The following PRIMA1 variants were observed in gnomAD, a reference collection of about 807,000 sequenced individuals.
The protein encoded by PRIMA1 is proline-rich membrane anchor 1.
A neutral mutation model predicts 17.5 loss-of-function variants in PRIMA1; 7 were observed. The observed-to-expected ratio is 0.40, with a 90% CI of 0.23 to 0.75. The LOEUF is 0.75. Among genes scored for constraint, PRIMA1 ranks in the 30% least tolerant of loss-of-function variants. The pLI is 0.37. For synonymous variants in PRIMA1, 97 were observed against 77.9 expected, an observed-to-expected ratio of 1.25 and a Z score of -1.29; for missense variants, 200 against 201.8, an observed-to-expected ratio of 0.99 and a Z score of 0.05.
chr14:93,733,795 G>A (rs183608916), intron 4 of PRIMA1, among the ~76,000 whole-genome samples: 2 of 152,302 alleles, frequency 1.3e-5, no homozygotes, highest in East Asian at 3.9e-4. Flanking sequence ...AAAACAATTG[G>A]CCGTGAGCAA....
chr14:93,733,997 C>T (rs2076132589), intron 4 of PRIMA1, among the ~76,000 whole-genome samples: 1 of 152,212 alleles, frequency 6.6e-6, no homozygotes, highest in African/African-American at 2.4e-5. Context: ...CCCCAGCCTC[C>T]TTCTAGGTGG....
intron 4 of PRIMA1, among the ~76,000 whole-genome samples, chr14:93,723,454 C>T (rs2141149185): frequency 6.6e-6 from 1 of 152,266 alleles, no homozygotes; most frequent in South Asian, 2.1e-4. Flanking sequence ...GTGAGGGGAT[C>T]ATTAGCAGTT....
chr14:93,742,382 G>A (rs1303495725), intron 3 of PRIMA1, among the ~76,000 whole-genome samples: 1 of 152,192 alleles, frequency 6.6e-6, no homozygotes, highest in East Asian at 1.9e-4. Flanking sequence ...CTCTCCCCAG[G>A]GGAACTCTGA....
Position 93,744,854 on chromosome 14 carries a change from G to A in PRIMA1, c.230-7484C>T, listed in dbSNP as rs146465268. 2.5e-3 allele frequency among the ~76,000 whole-genome samples: 385 copies of A among 152,280 alleles called. 1 individual carries two copies. The highest frequency in any genetic ancestry group is 8.6e-3 in the African/African-American group (359 of 41,566). The stretch of plus-strand genomic sequence containing the variant: ...CTGGCCCATGCTTGACAGAAAGCCA[G>A]GGAGGTGCATTTAGCCTCCCTGGGG... On this transcript the variant is annotated intron_variant, in intron 3 of 4. Coordinates refer to ENST00000393140, the MANE Select transcript of PRIMA1 (RefSeq NM_178013.4).
intron 3 of PRIMA1, among the ~76,000 whole-genome samples, chr14:93,764,584 C>T (rs768085590): frequency 7.9e-5 from 12 of 152,128 alleles, no homozygotes; most frequent in Non-Finnish European, 1.2e-4. Flanking sequence ...TTGGCACACT[C>T]GGTGCTCTAT....
chr14:93,780,060 C>T (rs759271920), intron 2 of PRIMA1, among the ~76,000 whole-genome samples: 3 of 152,256 alleles, frequency 2.0e-5, no homozygotes, highest in African/African-American at 7.2e-5. Flanking sequence ...GGCCCCACCT[C>T]GTCCCATGCT....
In PRIMA1 at chr14:93,787,710, G is replaced by A; in HGVS notation, c.9C>T (p.Leu3=). Reference sequence around the variant, plus strand: ...AGCCACGGCGCAGCACCAAGTCCCGGAGGAGCATCTCGGCCAGCGGCGCCC... The same window carrying A: ...AGCCACGGCGCAGCACCAAGTCCCGAAGGAGCATCTCGGCCAGCGGCGCCC... ML[L]RDLVLRRGCC... Residue 3 remains leucine, a synonymous_variant, in exon 2 of 5, where the codon CTC becomes CTT. Coordinates refer to ENST00000393140, the MANE Select transcript of PRIMA1 (RefSeq NM_178013.4). 1.9e-6 allele frequency: 3 copies of A among 1,543,912 alleles called. No homozygotes were observed. The highest frequency in any genetic ancestry group is 2.6e-6 in the Non-Finnish European group (3 of 1,146,628).
chr14:93,767,384 G>T (rs7142304), intron 3 of PRIMA1, among the ~76,000 whole-genome samples: 3,179 of 152,266 alleles, frequency 0.021, 113 homozygotes, highest in African/African-American at 0.07. Context: ...TCTCACTGTG[G>T]ACCCTGCTGC....
chr14:93,752,947 C>T (rs1241270504), intron 3 of PRIMA1, among the ~76,000 whole-genome samples: 1 of 152,196 alleles, frequency 6.6e-6, no homozygotes, highest in Non-Finnish European at 1.5e-5. Flanking sequence ...TGGGGCTGTC[C>T]TGTGCACCAT....
At chr14:93,744,117 G>A (rs2141166234) in intron 3 of PRIMA1, among the ~76,000 whole-genome samples, 1 of 152,354 alleles carries the variant, frequency 6.6e-6, no homozygotes, top group East Asian at 1.9e-4. Context: ...CCTGCCCGAG[G>A]CCACACAGGG....
chr14:93,772,478 T>C (rs961088985), intron 3 of PRIMA1, among the ~76,000 whole-genome samples: 1 of 152,266 alleles, frequency 6.6e-6, no homozygotes, highest in Non-Finnish European at 1.5e-5. Flanking sequence ...GGTACACATC[T>C]CCTTCCATGG....
At chr14:93,763,667 C>T (rs996212650) in intron 3 of PRIMA1, among the ~76,000 whole-genome samples, 17 of 152,126 alleles carry the variant, frequency 1.1e-4, no homozygotes, top group African/African-American at 4.1e-4. Flanking sequence ...GGATGCGTGC[C>T]CCGTCTGCTA....
intron 4 of PRIMA1, among the ~76,000 whole-genome samples, chr14:93,729,993 T>C (rs559820454): frequency 2.0e-5 from 3 of 152,206 alleles, no homozygotes; most frequent in East Asian, 3.9e-4. Flanking sequence ...GTGCATGTTA[T>C]TTACACCAAA....
intron 3 of PRIMA1, among the ~76,000 whole-genome samples, chr14:93,746,505 A>C (rs2076219203): frequency 6.6e-6 from 1 of 151,946 alleles, no homozygotes; most frequent in African/African-American, 2.4e-5. Flanking sequence ...AGCAGGAAGG[A>C]GGCCAGTGTG....
chr14:93,756,897 C>T (rs950705240), intron 3 of PRIMA1, among the ~76,000 whole-genome samples: 1 of 152,166 alleles, frequency 6.6e-6, no homozygotes, highest in Non-Finnish European at 1.5e-5. Flanking sequence ...TCCACAGCAG[C>T]CTCTGGGCCA....
intron 3 of PRIMA1, among the ~76,000 whole-genome samples, chr14:93,747,712 G>A (rs1444173776): frequency 6.6e-6 from 1 of 151,600 alleles, no homozygotes; most frequent in Non-Finnish European, 1.5e-5. Context: ...GTGTGTGAGT[G>A]TATGAGTGTG....
Position 93,766,958 on chromosome 14 carries a change from C to T in PRIMA1, c.229+12218G>A, listed in dbSNP as rs150321454. On this transcript the variant is annotated intron_variant, in intron 3 of 4. Transcript: ENST00000393140. ...CAGTGCATGAGACACAGCGAAAGGA[C>T]TGAATGAAGGAATGAACAAATGAAC... Among the ~76,000 whole-genome samples, 246 of 152,294 alleles carry T rather than the reference C, an allele frequency of 1.6e-3. 1 individual carries two copies. The highest frequency in any genetic ancestry group is 5.7e-3 in the African/African-American group (237 of 41,566).
intron 3 of PRIMA1, among the ~76,000 whole-genome samples, 189 bp from the exon 4 acceptor site, chr14:93,737,559 A>T (rs546537854): frequency 2.1e-5 from 3 of 140,300 alleles, no homozygotes; most frequent in East Asian, 2.1e-4. Context: ...CAACAGAGGC[A>T]TGGGGAGGTC....
chr14:93,719,799 A>T lies in PRIMA1; in HGVS notation c.*1645T>A, dbSNP rs2076025509. On this transcript the variant is annotated 3_prime_UTR_variant, in exon 5 of 5. Coordinates refer to ENST00000393140, the MANE Select transcript of PRIMA1 (RefSeq NM_178013.4). The stretch of plus-strand genomic sequence containing the variant: ...AGCAAAATTCAAATCTAAACCCCAA[A>T]CAAGTCCTCAAATAGAAGGAAATGA... The T allele has an allele frequency of 6.6e-6, 1 of 152,566 alleles. No individual in the cohort carries two copies. The highest frequency in any genetic ancestry group is 6.5e-5 in the Admixed American group (1 of 15,284). 9.5% of individuals were successfully genotyped at this position (152,566 alleles called of 1,614,324 possible).
Sources: allele counts gnomAD v4.1 joint callset (sites outside exome capture counted in the v4.1 genomes callset), GRCh38; gene constraint gnomAD v4.1.1; transcripts MANE v1.5; gene names NCBI Gene and HGNC (gene_info 2026-07-23, HGNC 2026-07-21).